The following TCF12 variants were observed in gnomAD, a reference collection of about 807,000 sequenced individuals.
The protein encoded by TCF12 is DNA-binding protein HTF4.
A neutral mutation model predicts 86.0 loss-of-function variants in TCF12; 45 were observed. The observed-to-expected ratio is 0.52, with a 90% confidence interval of 0.41 to 0.67. The LOEUF is 0.67. TCF12 is among the 30% of genes least tolerant of loss of function. The probability of loss-of-function intolerance (pLI) is 0.00; values close to 1 mark genes in which losing one functional copy is unlikely to be tolerated. For synonymous variants in TCF12, 330 were observed against 299.6 expected, an observed-to-expected ratio of 1.10 and a Z score of -1.05; for missense variants, 881 against 859.9, an observed-to-expected ratio of 1.02 and a Z score of -0.31.
At chr15:56,992,277 A>C (rs1287556063) in intron 3 of TCF12, among the ~76,000 whole-genome samples, 2 of 152,146 alleles carry the variant, frequency 1.3e-5, no homozygotes, top group African/African-American at 4.8e-5. Context: ...TCTCACAGTA[A>C]ATAAATAAAT....
chr15:57,109,646 T>C (rs2050359356), intron 5 of TCF12, among the ~76,000 whole-genome samples: 1 of 152,194 alleles, frequency 6.6e-6, no homozygotes, highest in African/African-American at 2.4e-5. Context: ...TTGTTGCGTA[T>C]AGTATTTTAG....
chr15:57,276,833 C>G (rs78333996), intron 19 of TCF12, among the ~76,000 whole-genome samples: 4 of 126,210 alleles, frequency 3.2e-5, no homozygotes, highest in Non-Finnish European at 4.7e-5. Context: ...GAGGCCGAGT[C>G]TCGCCCTGTC....
chr15:57,058,797 C>A (rs1412194787), intron 3 of TCF12, among the ~76,000 whole-genome samples: 1 of 152,060 alleles, frequency 6.6e-6, no homozygotes, highest in African/African-American at 2.4e-5. Context: ...TCTAACTGAT[C>A]CTATTTCACA....
chr15:56,934,956 G>A (rs1291289585), intron 3 of TCF12, among the ~76,000 whole-genome samples: 2 of 152,268 alleles, frequency 1.3e-5, no homozygotes, highest in African/African-American at 4.8e-5. Context: ...TTCTGTCTCA[G>A]CTTCTCTCTT....
chr15:57,094,557 G>C (rs1280119573), intron 5 of TCF12, among the ~76,000 whole-genome samples: 1 of 152,122 alleles, frequency 6.6e-6, no homozygotes, highest in Non-Finnish European at 1.5e-5. Flanking sequence ...TGACTTTTCT[G>C]GCCGTTTGTT....
intron 8 of TCF12, among the ~76,000 whole-genome samples, chr15:57,222,429 T>C (rs1301792699): frequency 6.6e-6 from 1 of 152,010 alleles, no homozygotes; most frequent in African/African-American, 2.4e-5. Context: ...AAAATGTTAA[T>C]GCAGTTTTTC....
At chr15:57,251,601 C>G (rs1230839249) in intron 14 of TCF12, among the ~76,000 whole-genome samples, 178 bp downstream of exon 14, 1 of 152,142 alleles carries the variant, frequency 6.6e-6, no homozygotes, top group Non-Finnish European at 1.5e-5. Flanking sequence ...GCCATCTGTT[C>G]TTTGGGACAT....
intron 3 of TCF12, among the ~76,000 whole-genome samples, chr15:57,012,586 C>G (rs2064896675): frequency 6.6e-6 from 1 of 152,194 alleles, no homozygotes; most frequent in Admixed American, 6.5e-5. Flanking sequence ...TTTGGATCAA[C>G]ATCTGTGAAA....
At chr15:57,028,868 G>A (rs1034023141) in intron 3 of TCF12, among the ~76,000 whole-genome samples, 2 of 151,698 alleles carry the variant, frequency 1.3e-5, no homozygotes, top group African/African-American at 4.8e-5. Context: ...ATGCGATCTT[G>A]GCTCACTGCA....
intron 6 of TCF12, among the ~76,000 whole-genome samples, chr15:57,185,872 C>T (rs1478115420): frequency 6.6e-6 from 1 of 151,924 alleles, no homozygotes; most frequent in Non-Finnish European, 1.5e-5. Context: ...ACAGAGCAAA[C>T]TCCTGTGTCA....
chr15:57,169,096 A>G (rs1378148517), intron 6 of TCF12, among the ~76,000 whole-genome samples: 1 of 152,174 alleles, frequency 6.6e-6, no homozygotes, highest in Non-Finnish European at 1.5e-5. Context: ...CATTTGGACA[A>G]TGAATGATTG....
intron 5 of TCF12, among the ~76,000 whole-genome samples, chr15:57,163,516 A>T (rs141134027): frequency 6.6e-6 from 1 of 152,302 alleles, no homozygotes; most frequent in African/African-American, 2.4e-5. Context: ...CCTAGGCCAT[A>T]CTATGAGACC....
chr15:57,120,976 C>CT (rs1219499222), intron 5 of TCF12, among the ~76,000 whole-genome samples: 1 of 150,840 alleles, frequency 6.6e-6, no homozygotes, highest in Non-Finnish European at 1.5e-5. Flanking sequence ...GTGAGACTGT[C>CT]TAAAAAAAAG....
chr15:56,945,145 A>T (rs1159667482), intron 3 of TCF12, among the ~76,000 whole-genome samples: 2 of 152,222 alleles, frequency 1.3e-5, no homozygotes, highest in African/African-American at 2.4e-5. Flanking sequence ...GCTGGTATAT[A>T]AAAATAGTGA....
intron 3 of TCF12, among the ~76,000 whole-genome samples, chr15:56,979,218 T>C (rs1373065252): frequency 6.6e-6 from 1 of 152,212 alleles, no homozygotes; most frequent in Non-Finnish European, 1.5e-5. Flanking sequence ...GATAAGAAGC[T>C]ACTGGACAAA....
intron 3 of TCF12, among the ~76,000 whole-genome samples, chr15:56,955,913 G>C (rs771984641): frequency 3.3e-5 from 5 of 152,044 alleles, no homozygotes; most frequent in Non-Finnish European, 5.9e-5. Flanking sequence ...TTGAATCTCT[G>C]TCTTTAAGTG....
At chr15:57,101,321 C>T (rs1356061608) in intron 5 of TCF12, among the ~76,000 whole-genome samples, 2 of 152,104 alleles carry the variant, frequency 1.3e-5, no homozygotes, top group African/African-American at 2.4e-5. Context: ...TCCTCCCACT[C>T]AGCCTCCCAA....
intron 14 of TCF12, chr15:57,252,147 T>C (rs949459699): frequency 6.0e-6 from 2 of 335,084 alleles, no homozygotes; most frequent in African/African-American, 2.1e-5. Flanking sequence ...AAACATTCTT[T>C]TTCTGTGACT....
At chr15:57,198,102 A>C (rs763086962) in intron 8 of TCF12, among the ~76,000 whole-genome samples, 11 of 152,222 alleles carry the variant, frequency 7.2e-5, no homozygotes, top group Non-Finnish European at 1.5e-5. Context: ...AGTAGCTGTC[A>C]AAGATGATCT....
Sources: allele counts gnomAD v4.1 joint callset (sites outside exome capture counted in the v4.1 genomes callset), GRCh38; gene constraint gnomAD v4.1.1; transcripts MANE v1.5; gene names NCBI Gene and HGNC (gene_info 2026-07-23, HGNC 2026-07-21).